The following ZNF416 variants were observed in gnomAD, a reference collection of about 807,000 sequenced individuals.
ZNF416 encodes the protein zinc finger protein 416.
Under a neutral mutation model 10.9 loss-of-function variants are expected in ZNF416, and 5 were observed. That is an observed-to-expected ratio of 0.46 (90% CI 0.24 to 0.97). The LOEUF is 0.97. ZNF416 is among the 50% of genes least tolerant of loss of function. ZNF416 has a pLI of 0.19. For synonymous variants in ZNF416, 267 were observed against 251.8 expected (o/e 1.06, Z -0.57); for missense variants, 675 against 715.0 (o/e 0.94, Z 0.64).
intron 2 of ZNF416, among the ~76,000 whole-genome samples, chr19:57,576,909 T>C (rs1457872565): frequency 6.6e-6 from 1 of 152,140 alleles, no homozygotes; most frequent in Non-Finnish European, 1.5e-5. Flanking sequence ...TCCTAGATCC[T>C]TGGCCACTTG....
At position 57,575,691 on chromosome 19, in the gene ZNF416, C is replaced by T. The variant is rs370846166; in HGVS notation, c.202+113G>A. Reference sequence around the variant, plus strand: ...TGATTTCATTCCTTACACCACAGCACATACGCCAAGACAGTGGGGAAGTCA... The same window carrying T: ...TGATTTCATTCCTTACACCACAGCATATACGCCAAGACAGTGGGGAAGTCA... On this transcript the variant is annotated intron_variant, in intron 3 of 3. Transcript: ENST00000196489. This position sits in a 1 kb window ranked among gnomAD's most constrained non-coding sequence, Gnocchi z 4.4. The T allele has an allele frequency of 9.6e-5, 135 of 1,412,024 alleles. 1 individual carries two copies. In the South Asian group the frequency reaches 1.5e-3, roughly 16 times the overall value. The allele number at this position is 1,412,024 out of a possible 1,614,324, so 87.5% of individuals were successfully genotyped here.
At chr19:57,578,493 G>T in intron 1 of ZNF416, 179 bp downstream of exon 1, 2 of 649,208 alleles carry the variant, frequency 3.1e-6, no homozygotes. Context: ...CGGCCCCTCC[G>T]CCTGCCACAC....
At chr19:57,578,306 C>T (rs1314914037) in intron 1 of ZNF416, 12 of 614,562 alleles carry the variant, frequency 2.0e-5, no homozygotes, top group Non-Finnish European at 2.9e-5. Flanking sequence ...ATCCCCCTTC[C>T]AGGCTGTTCC....
At chr19:57,578,166 T>C in intron 1 of ZNF416, 68 bp from the exon 2 acceptor site, 14 of 1,536,602 alleles carry the variant, frequency 9.1e-6, no homozygotes, top group Non-Finnish European at 1.2e-5. Context: ...GATGCCTCCT[T>C]GTTTCCCTGC....
chr19:57,573,684 C>T lies in ZNF416; in HGVS notation c.220G>A (p.Glu74Lys), dbSNP rs762181513. ...CTTTGCTCAGGTGTCTCTTCATCCTCCATCCCATGCCAACAAACTGAAAGC... is the reference window on the plus strand; with the variant it reads ...CTTTGCTCAGGTGTCTCTTCATCCTTCATCCCATGCCAACAAACTGAAAGC... ...ITALVCWHGM[E>K]DEETPEQSVS... Residue 74 changes from glutamate (E) to lysine (K), a missense_variant, in exon 4 of 4, where the codon GAG (glutamate) becomes AAG (lysine). Glu to Lys is a moderately conservative substitution (Grantham distance 56, BLOSUM62 1). Transcript: ENST00000196489. 1 of 1,609,434 alleles carries T rather than the reference C, an allele frequency of 6.2e-7. No individual in the cohort carries two copies. Among genetic ancestry groups the T allele is most frequent in the South Asian group, 1.1e-5 (1 of 90,980 alleles).
In ZNF416 at chr19:57,572,566, G is replaced by A; in HGVS notation, c.1338C>T (p.Ser446=). ...TATTGAGGGTGGTTCTTTGGCTAAA[G>A]GATTTTCCGCACTCATCACACTCAA... is the stretch of plus-strand genomic sequence containing the variant. ...RPFECDECGK[S]FSQRTTLNKH... is the part of the protein sequence containing the mutation. The change falls in exon 4 of 4, where the codon TCC becomes TCT. Residue 446 remains serine (S), a synonymous_variant. Transcript: ENST00000196489. This position sits in a 1 kb window ranked among gnomAD's most constrained non-coding sequence, Gnocchi z 4.5. 6.2e-7 allele frequency: 1 copy of A among 1,613,776 alleles called. No individual in the cohort carries two copies. The highest frequency in any genetic ancestry group is 1.7e-5 in the Admixed American group (1 of 59,970).
At chr19:57,577,370 G>A (rs564208224) in intron 2 of ZNF416, among the ~76,000 whole-genome samples, 1 of 151,998 alleles carries the variant, frequency 6.6e-6, no homozygotes, top group Non-Finnish European at 1.5e-5. Context: ...TACAATCCTC[G>A]CTAGTGGAGC....
Position 57,575,727 on chromosome 19 carries a change from C to G in ZNF416, c.202+77G>C. 1 of 1,596,550 alleles carries G rather than the reference C, an allele frequency of 6.3e-7. No individual in the cohort carries two copies. Among genetic ancestry groups the G allele is most frequent in the Non-Finnish European group, 8.6e-7 (1 of 1,165,116 alleles). On this transcript the variant is annotated intron_variant, in intron 3 of 3. Coordinates refer to ENST00000196489, the MANE Select transcript of ZNF416 (RefSeq NM_017879.3). The surrounding 1 kb of genome is among the most constrained non-coding windows in gnomAD (Gnocchi z 4.4). ...ACAGTGGGGAAGTCAGCAAAGCCCA[C>G]GGTCCGGCAGAGCTGCCTCTGAGGA...
At position 57,578,068 on chromosome 19, in the gene ZNF416, C is replaced by T. The variant is rs536144352; in HGVS notation, c.64G>A (p.Gly22Ser). 7 of 1,614,160 alleles carry T rather than the reference C, an allele frequency of 4.3e-6. No individual in the cohort carries two copies. The African/African-American group carries it at 9.3e-5, about 22-fold the overall frequency. Residue 22 changes from glycine (G) to serine (S), a missense_variant, in exon 2 of 4, where the codon GGC becomes AGC. Transcript: ENST00000196489. ...CACTCTCCACTCACCTGTGTAAAGC[C>T]CATAAGTTTAGCTTCTGCAGTCACG... Reference protein sequence around the residue: ...VPVTAEAKLMGFTQGCVTFED... With the variant: ...VPVTAEAKLMSFTQGCVTFED...
chr19:57,573,610 T>G lies in ZNF416; in HGVS notation c.294A>C (p.Pro98=), dbSNP rs367843112. The G allele has an allele frequency of 8.1e-6, 13 of 1,614,064 alleles. No homozygotes were observed. The African/African-American group carries it at 1.1e-4, about 13-fold the overall frequency. Residue 98 remains proline, a synonymous_variant, in exon 4 of 4, where the codon CCA becomes CCC. Coordinates refer to ENST00000196489, the MANE Select transcript of ZNF416 (RefSeq NM_017879.3). ...VPQVRTPEAS[P]STQKIQSCDM... Reference sequence around the variant, plus strand: ...CACAGGATTGAATCTTCTGGGTGGATGGACTGGCCTCTGGAGTCCTGACCT... The same window carrying G: ...CACAGGATTGAATCTTCTGGGTGGAGGGACTGGCCTCTGGAGTCCTGACCT...
In ZNF416 at chr19:57,578,411, A is replaced by T. The variant is rs903889413; in HGVS notation, c.33+261T>A. 16 of 524,558 alleles carry T rather than the reference A, an allele frequency of 3.1e-5. No homozygotes were observed. In the South Asian group the frequency reaches 5.0e-4, roughly 16 times the overall value. The allele number at this position is 524,558 out of a possible 1,614,324, so 32.5% of individuals were successfully genotyped here. A position where few individuals can be genotyped will look rare whatever the true frequency, so the allele number is the denominator to read the frequency against. On this transcript the variant is annotated intron_variant, in intron 1 of 3. Transcript: ENST00000196489. ...ACCCATGGCTCTCAGCGTCTTGAAA[A>T]GAAAGAGCCTCATTTTACCATTCGG... is the stretch of plus-strand genomic sequence containing the variant.
rs758870142 is a variant in ZNF416 at position 57,572,256 on chromosome 19, A to G, written c.1648T>C (p.Tyr550His). The change falls in exon 4 of 4, where the codon TAT becomes CAT. Residue 550 changes from tyrosine to histidine, a missense_variant. Physicochemically the swap from Tyr to His is moderately conservative, Grantham distance 83. Transcript: ENST00000196489. This position sits in a 1 kb window ranked among gnomAD's most constrained non-coding sequence, Gnocchi z 4.5. ...GACTTCCCACATTTGCCACACTCATATGGCCTTTCTCCTGTGTGAACCACT... is the reference window on the plus strand; with the variant it reads ...GACTTCCCACATTTGCCACACTCATGTGGCCTTTCTCCTGTGTGAACCACT... ...HQVVHTGERPYECGKCGKSFT... is the reference protein window; with the variant it reads ...HQVVHTGERPHECGKCGKSFT... 1 of 1,614,210 alleles carries G rather than the reference A, an allele frequency of 6.2e-7. No homozygotes were observed. The highest frequency in any genetic ancestry group is 8.5e-7 in the Non-Finnish European group (1 of 1,180,054).
chr19:57,573,080 C>T lies in ZNF416; in HGVS notation c.824G>A (p.Cys275Tyr), dbSNP rs777380140. ...PGERPYECSE[C>Y]GKSFSQTSHL... is the part of the protein sequence containing the mutation. Reference sequence around the variant, plus strand: ...AGAGGTTTGGCTAAAAGATTTCCCACATTCACTGCACTCATAAGGCCTTTC... The same window carrying T: ...AGAGGTTTGGCTAAAAGATTTCCCATATTCACTGCACTCATAAGGCCTTTC... Residue 275 changes from cysteine (C) to tyrosine (Y), a missense_variant, in exon 4 of 4, where the codon TGT (cysteine) becomes TAT (tyrosine). Physicochemically the swap from Cys to Tyr is radical, Grantham distance 194 (BLOSUM62 -2). Transcript: ENST00000196489. 8.1e-6 allele frequency: 13 copies of T among 1,614,132 alleles called. No homozygotes were observed. Among genetic ancestry groups the T allele is most frequent in the Non-Finnish European group, 1.1e-5 (13 of 1,180,060 alleles).
In ZNF416 at chr19:57,578,705, C is replaced by A. The variant is rs1978646252; in HGVS notation, c.-1G>T. 1.3e-6 allele frequency: 2 copies of A among 1,540,882 alleles called. No homozygotes were observed. The highest frequency in any genetic ancestry group is 1.7e-6 in the Non-Finnish European group (2 of 1,144,104). ...AATCCCTAAGCACGGCCGCCGCCAT[C>A]GGATTGTGAGCGGAGCGGGGCCGGG... is the stretch of plus-strand genomic sequence containing the variant. On this transcript the variant is annotated 5_prime_UTR_variant, in exon 1 of 4. Coordinates refer to ENST00000196489, the MANE Select transcript of ZNF416 (RefSeq NM_017879.3).
intron 1 of ZNF416, chr19:57,578,319 C>T: frequency 1.7e-6 from 1 of 603,120 alleles, no homozygotes; most frequent in Non-Finnish European, 2.9e-6. Flanking sequence ...GCTGTTCCAA[C>T]TCTGAGTAAC....
chr19:57,575,005 G>C lies in ZNF416; in HGVS notation c.202+799C>G, dbSNP rs552719324. 2.0e-5 allele frequency among the ~76,000 whole-genome samples: 3 copies of C among 152,294 alleles called. No homozygotes were observed. The highest frequency in any genetic ancestry group is 2.0e-4 in the Admixed American group (3 of 15,306). On this transcript the variant is annotated intron_variant, in intron 3 of 3. Coordinates refer to ENST00000196489, the MANE Select transcript of ZNF416 (RefSeq NM_017879.3). This position sits in a 1 kb window ranked among gnomAD's most constrained non-coding sequence, Gnocchi z 4.4. ...GACACATGGAGGGCAGGAAGATGGG[G>C]GCAGCACGAGGCCGGATGTCCCAGA... is the stretch of plus-strand genomic sequence containing the variant.
At position 57,572,587 on chromosome 19, in the gene ZNF416, C is replaced by T. The variant is rs780812977; in HGVS notation, c.1317G>A (p.Glu439=). 2 of 1,613,966 alleles carry T rather than the reference C, an allele frequency of 1.2e-6. No homozygotes were observed. Among genetic ancestry groups the T allele is most frequent in the Non-Finnish European group, 1.7e-6 (2 of 1,180,040 alleles). Residue 439 remains glutamate (E), a synonymous_variant, in exon 4 of 4, where the codon GAG becomes GAA. Coordinates refer to ENST00000196489, the MANE Select transcript of ZNF416 (RefSeq NM_017879.3). The surrounding 1 kb of genome is among the most constrained non-coding windows in gnomAD (Gnocchi z 4.5). ...TAAAGGATTTTCCGCACTCATCACACTCAAAGGGCCTAGCTCCACTGTGAA... is the reference window on the plus strand; with the variant it reads ...TAAAGGATTTTCCGCACTCATCACATTCAAAGGGCCTAGCTCCACTGTGAA... ...QLIHSGARPF[E]CDECGKSFSQ... is the part of the protein sequence containing the mutation.
At chr19:57,576,819 G>A (rs189263126) in intron 2 of ZNF416, among the ~76,000 whole-genome samples, 2 of 152,170 alleles carry the variant, frequency 1.3e-5, no homozygotes, top group Non-Finnish European at 2.9e-5. Flanking sequence ...TATATCCAGA[G>A]TGCTGAGTAA....
rs2090195130 is a variant in ZNF416, at chr19:57,571,921, A to G, written c.*198T>C. The G allele has an allele frequency of 1.6e-6, 1 of 630,868 alleles. No individual in the cohort carries two copies. Among genetic ancestry groups the G allele is most frequent in the Non-Finnish European group, 2.7e-6 (1 of 373,812 alleles). 39.1% of individuals were successfully genotyped at this position (630,868 alleles called of 1,614,324 possible). A position where few individuals can be genotyped will look rare whatever the true frequency, so the allele number is the denominator to read the frequency against. Reference sequence around the variant, plus strand: ...CTGGCAAAGGCCTCCAGCAGTTTAGAACATGCAAAGGAGCTCCTGCAAGAC... The same window carrying G: ...CTGGCAAAGGCCTCCAGCAGTTTAGGACATGCAAAGGAGCTCCTGCAAGAC... On this transcript the variant is annotated 3_prime_UTR_variant, in exon 4 of 4. Transcript: ENST00000196489.
Sources: gnomAD v4.1 joint callset for allele counts (sites outside exome capture counted in the v4.1 genomes callset) on GRCh38, gnomAD v4.1.1 for gene constraint, Gnocchi (gnomAD v3.1) non-coding constraint, MANE v1.5 for transcripts, NCBI Gene and HGNC (gene_info 2026-07-23, HGNC 2026-07-21) for gene names.